GCLC: variants seen among roughly 807,000 people sequenced by gnomAD.
The protein encoded by GCLC is glutamate--cysteine ligase catalytic subunit.
In GCLC, 30 loss-of-function variants were observed where a neutral mutation model predicts 81.5. That is an observed-to-expected ratio of 0.37 (90% CI 0.28 to 0.50). The LOEUF is 0.50. GCLC is among the 20% of genes least tolerant of loss of function. The probability of loss-of-function intolerance (pLI) is 0.96; values close to 1 mark genes in which losing one functional copy is unlikely to be tolerated. For synonymous variants in GCLC, 262 were observed against 273.3 expected, an observed-to-expected ratio of 0.96 and a Z score of 0.41; for missense variants, 556 against 777.4, an observed-to-expected ratio of 0.72 and a Z score of 3.39.
In GCLC at chr6:53,520,818, C is replaced by T; in HGVS notation, c.406G>A (p.Glu136Lys). 4 of 1,614,136 alleles carry T rather than the reference C, an allele frequency of 2.5e-6. No individual in the cohort carries two copies. The highest frequency in any genetic ancestry group is 3.4e-6 in the Non-Finnish European group (4 of 1,180,000). The part of the protein sequence containing the change: ...KRRKEATSIL[E>K]ENQALCTITS... ...ATTGTGCAAAGAGCCTGATTTTCTTCTAATATAGAAGTAGCCTCCTTCCGG... is the reference window on the plus strand; with the variant it reads ...ATTGTGCAAAGAGCCTGATTTTCTTTTAATATAGAAGTAGCCTCCTTCCGG... The change falls in exon 3 of 16, where the codon GAA (glutamate) becomes AAA (lysine). Residue 136 changes from glutamate (E) to lysine (K), a missense_variant. By Grantham distance (56) the Glu-to-Lys change is moderately conservative. Coordinates refer to ENST00000650454, the MANE Select transcript of GCLC (RefSeq NM_001498.4).
At chr6:53,511,383 T>C (rs1045692081) in intron 6 of GCLC, among the ~76,000 whole-genome samples, 1 of 152,170 alleles carries the variant, frequency 6.6e-6, no homozygotes, top group African/African-American at 2.4e-5. Flanking sequence ...TCTCTTAGAT[T>C]TTTTAGGTCT....
In GCLC at chr6:53,500,301, C is replaced by T; in HGVS notation, c.1527G>A (p.Glu509=). 2 of 1,614,180 alleles carry T rather than the reference C, an allele frequency of 1.2e-6. No homozygotes were observed. The highest frequency in any genetic ancestry group is 1.7e-6 in the Non-Finnish European group (2 of 1,180,032). Residue 509 remains glutamate, a synonymous_variant, in exon 14 of 16, where the codon GAG becomes GAA. Transcript: ENST00000650454. ...TGAGGGTGTACTCCTCTGCAGCGAGCTCCGTGCTGTTCTGGGCCTTGCCAC... is the reference window on the plus strand; with the variant it reads ...TGAGGGTGTACTCCTCTGCAGCGAGTTCCGTGCTGTTCTGGGCCTTGCCAC... ...DGCGKAQNST[E]LAAEEYTLMS... is the part of the protein sequence containing the mutation.
At chr6:53,504,910 C>T (rs1764584389) in intron 12 of GCLC, among the ~76,000 whole-genome samples, 1 of 152,198 alleles carries the variant, frequency 6.6e-6, no homozygotes, top group Non-Finnish European at 1.5e-5. Context: ...TACTGCTCCA[C>T]AACCCACAGC....
Position 53,516,194 on chromosome 6 carries a change from C to G in GCLC, c.475G>C (p.Glu159Gln), listed in dbSNP as rs576548590. ...RLGCPGFTLP[E>Q]VKPNPVEGGA... is the part of the protein sequence containing the mutation. ...CCTTCCACTGGGTTGGGTTTGACCT[C>G]GGGCAGTGTGAACCCAGGACAGCCT... The change falls in exon 4 of 16, where the codon GAG becomes CAG. Residue 159 changes from glutamate to glutamine, a missense_variant. Physicochemically the swap from Glu to Gln is conservative, Grantham distance 29. Around this residue, in one of 3 missense-constraint regions of GCLC, gnomAD observed 234 missense variants for 303.8 expected, o/e 0.77. Coordinates refer to ENST00000650454, the MANE Select transcript of GCLC (RefSeq NM_001498.4). 2 of 1,612,692 alleles carry G rather than the reference C, an allele frequency of 1.2e-6. No homozygotes were observed. The highest frequency in any genetic ancestry group is 2.2e-5 in the South Asian group (2 of 91,056).
Position 53,500,498 on chromosome 6 carries a change from T to G in GCLC, c.1411A>C (p.Lys471Gln). 1 of 1,609,046 alleles carries G rather than the reference T, an allele frequency of 6.2e-7. No homozygotes were observed. The highest frequency in any genetic ancestry group is 8.5e-7 in the Non-Finnish European group (1 of 1,175,770). Residue 471 changes from lysine to glutamine, a missense_variant, in exon 13 of 16, where the codon AAG becomes CAG. By Grantham distance (53) the Lys-to-Gln change is moderately conservative. Around this residue, in one of 3 missense-constraint regions of GCLC, gnomAD observed 313 missense variants for 437.3 expected, o/e 0.72. Transcript: ENST00000650454. ...ACAGCATCTCTTTTCTGTGCTACCT[T>G]CATGTTCTCATCAACCTAAGGGAAA... ...IPLSKVDENMKVAQKRDAVLQ... is the reference protein window; with the variant it reads ...IPLSKVDENMQVAQKRDAVLQ...
At chr6:53,537,092 C>T (rs1763268988) in intron 1 of GCLC, among the ~76,000 whole-genome samples, 1 of 152,216 alleles carries the variant, frequency 6.6e-6, no homozygotes, top group African/African-American at 2.4e-5. Context: ...CTTTGTTACA[C>T]TGTTCTTTTG....
intron 4 of GCLC, 120 bp from the exon 5 acceptor site, chr6:53,514,617 ACT>A: frequency 3.8e-6 from 3 of 783,020 alleles, no homozygotes; most frequent in Non-Finnish European, 6.9e-6. Flanking sequence ...ATCTAAGACA[ACT>A]CAACAGAAAA....
intron 1 of GCLC, among the ~76,000 whole-genome samples, chr6:53,542,022 TA>T (rs887561465): frequency 7.8e-4 from 119 of 152,230 alleles, no homozygotes; most frequent in African/African-American, 2.8e-3. Flanking sequence ...CACATGCCAC[TA>T]ATTTTTTATT....
chr6:53,508,525 G>C (rs1581731604), intron 8 of GCLC, 70 bp downstream of exon 8: 5 of 916,186 alleles, frequency 5.5e-6, no homozygotes, highest in East Asian at 2.4e-5. Context: ...TCCTGAAATT[G>C]CAAGTAGTTA....
At chr6:53,525,850 T>C (rs535257926) in intron 1 of GCLC, among the ~76,000 whole-genome samples, 1 of 152,340 alleles carries the variant, frequency 6.6e-6, no homozygotes, top group Admixed American at 6.5e-5. Flanking sequence ...TCTGGGATAC[T>C]GTTTTTTGGC....
At chr6:53,541,117 G>A (rs1022522065) in intron 1 of GCLC, among the ~76,000 whole-genome samples, 1 of 152,210 alleles carries the variant, frequency 6.6e-6, no homozygotes, top group Non-Finnish European at 1.5e-5. Flanking sequence ...TCAGGAGGCT[G>A]AGGCAGGAGA....
At chr6:53,530,483 T>C (rs1181430839) in intron 1 of GCLC, among the ~76,000 whole-genome samples, 1 of 152,244 alleles carries the variant, frequency 6.6e-6, no homozygotes, top group East Asian at 1.9e-4. Context: ...CTTGGGGTTC[T>C]GATTCTGGCC....
intron 8 of GCLC, 36 bp from the exon 9 acceptor site, chr6:53,507,654 T>A: frequency 1.1e-6 from 1 of 904,204 alleles, no homozygotes; most frequent in South Asian, 1.6e-5. Context: ...GAATATGCTA[T>A]ATAAAATGAG....
chr6:53,511,857 T>C (rs1764752877), intron 6 of GCLC, among the ~76,000 whole-genome samples: 1 of 113,468 alleles, frequency 8.8e-6, no homozygotes, highest in Non-Finnish European at 1.6e-5. Flanking sequence ...AAACATCTAA[T>C]CTAAACTTTA....
At chr6:53,507,139 T>C in intron 9 of GCLC, 114 bp from the exon 10 acceptor site, 3 of 732,740 alleles carry the variant, frequency 4.1e-6, no homozygotes, top group Middle Eastern at 2.3e-4. Context: ...GTCTAGAAGC[T>C]TGAAATAGCT....
rs562864840 is a variant in GCLC, at chr6:53,544,388, C to G, written c.150+108G>C. ...GGAGGCGCTCGAGGACCCCCGGGCGCAGTGGAGAACGCGGACCGCGATAGG... is the reference window on the plus strand; with the variant it reads ...GGAGGCGCTCGAGGACCCCCGGGCGGAGTGGAGAACGCGGACCGCGATAGG... On this transcript the variant is annotated intron_variant, in intron 1 of 15. Coordinates refer to ENST00000650454, the MANE Select transcript of GCLC (RefSeq NM_001498.4). The G allele has an allele frequency of 6.0e-6, 7 of 1,169,628 alleles. No individual in the cohort carries two copies. The African/African-American group carries it at 1.1e-4, about 18-fold the overall frequency. 72.5% of individuals were successfully genotyped at this position (1,169,628 alleles called of 1,614,324 possible). A position where few individuals can be genotyped will look rare whatever the true frequency, so the allele number is the denominator to read the frequency against.
At chr6:53,543,718 T>C (rs545840282) in intron 1 of GCLC, among the ~76,000 whole-genome samples, 1 of 152,344 alleles carries the variant, frequency 6.6e-6, no homozygotes, top group South Asian at 2.1e-4. Flanking sequence ...AGTTTTAACA[T>C]TGCTGCATTC....
At chr6:53,526,298 G>A (rs2127626883) in intron 1 of GCLC, among the ~76,000 whole-genome samples, 1 of 152,290 alleles carries the variant, frequency 6.6e-6, no homozygotes, top group South Asian at 2.1e-4. Context: ...TTTTAACTGA[G>A]GCGATGTAAG....
chr6:53,544,324 G>A (rs1763408506), intron 1 of GCLC, among the ~76,000 whole-genome samples, 172 bp downstream of exon 1: 1 of 152,220 alleles, frequency 6.6e-6, no homozygotes, highest in Admixed American at 6.5e-5. Flanking sequence ...GGCCCTGGAC[G>A]CGGACTAGGC....
Sources: gnomAD v4.1 joint callset for allele counts (sites outside exome capture counted in the v4.1 genomes callset) on GRCh38, gnomAD v4.1.1 for gene constraint, gnomAD v4.1.1 regional missense constraint, MANE v1.5 for transcripts, NCBI Gene and HGNC (gene_info 2026-07-23, HGNC 2026-07-21) for gene names.